LRBA: variants seen among roughly 807,000 people sequenced by gnomAD.
LRBA encodes lipopolysaccharide-responsive and beige-like anchor protein.
A neutral mutation model predicts 330.0 loss-of-function variants in LRBA; 176 were observed. That is an observed-to-expected ratio of 0.53 (90% CI 0.47 to 0.60). The LOEUF is 0.60. LRBA is among the 20% of genes least tolerant of loss of function. The pLI, the probability that LRBA is intolerant of heterozygous loss-of-function variation, is 0.00. For synonymous variants in LRBA, 1,230 were observed against 1,193.0 expected (o/e 1.03, Z -0.64); for missense variants, 3,259 against 3,444.8 (o/e 0.95, Z 1.35).
At chr4:150,962,574 T>C (rs1455264042) in intron 2 of LRBA, among the ~76,000 whole-genome samples, 1 of 148,648 alleles carries the variant, frequency 6.7e-6, no homozygotes, top group Non-Finnish European at 1.5e-5. Context: ...TTTAAGGAAG[T>C]TCTGAGTAAG....
intron 2 of LRBA, among the ~76,000 whole-genome samples, chr4:150,932,360 T>A: frequency 7.1e-6 from 1 of 141,278 alleles, no homozygotes. Flanking sequence ...GGAACTAGGG[T>A]GTTAAAAAAA....
In LRBA at chr4:150,852,340, T is replaced by C. The variant is rs149606117; in HGVS notation, c.3370A>G (p.Asn1124Asp). 4.3e-6 allele frequency: 7 copies of C among 1,613,970 alleles called. No individual in the cohort carries two copies. The highest frequency in any genetic ancestry group is 5.9e-6 in the Non-Finnish European group (7 of 1,180,018). The change falls in exon 23 of 57, where the codon AAT (asparagine) becomes GAT (aspartate). Residue 1124 changes from asparagine to aspartate, a missense_variant. Physicochemically the swap from Asn to Asp is conservative, Grantham distance 23 (BLOSUM62 1). Transcript: ENST00000651943. ...TTATCTTGGAGCTCTGTGGGTAGAT[T>C]AGCTTCCTCAGTAGGACTGCCTTCT... ...KVEGSPTEEANLPTELQDNSL... is the reference protein window; with the variant it reads ...KVEGSPTEEADLPTELQDNSL...
chr4:150,930,451 C>T (rs894568841), intron 2 of LRBA, among the ~76,000 whole-genome samples: 8 of 152,024 alleles, frequency 5.3e-5, no homozygotes, highest in African/African-American at 1.9e-4. Context: ...CAAGATCATG[C>T]CATTGAGCTC....
chr4:150,882,501 G>A (rs976286572), intron 17 of LRBA, among the ~76,000 whole-genome samples: 1 of 152,080 alleles, frequency 6.6e-6, no homozygotes, highest in Non-Finnish European at 1.5e-5. Context: ...AAGTGTAAGG[G>A]AGATAACAAA....
chr4:150,382,582 C>T (rs1742438958), intron 47 of LRBA, among the ~76,000 whole-genome samples: 1 of 150,286 alleles, frequency 6.7e-6, no homozygotes, highest in African/African-American at 2.4e-5. Flanking sequence ...GAGACTGTGC[C>T]ACTGCACTCC....
chr4:150,939,666 T>C (rs1004601475), intron 2 of LRBA, among the ~76,000 whole-genome samples: 6 of 152,184 alleles, frequency 3.9e-5, no homozygotes, highest in East Asian at 3.8e-4. Context: ...CCAGTAAGCA[T>C]TGTCAAGAAC....
intron 40 of LRBA, among the ~76,000 whole-genome samples, chr4:150,523,422 A>G (rs1763133939): frequency 6.6e-6 from 1 of 152,134 alleles, no homozygotes; most frequent in African/African-American, 2.4e-5. Flanking sequence ...CCACGATGGA[A>G]GCAGAGAGCA....
chr4:150,824,177 T>C (rs140240750), intron 30 of LRBA, among the ~76,000 whole-genome samples: 30 of 152,302 alleles, frequency 2.0e-4, no homozygotes, highest in African/African-American at 7.0e-4. Flanking sequence ...ATTTTACTTA[T>C]AGCTATTGTA....
intron 41 of LRBA, among the ~76,000 whole-genome samples, chr4:150,490,631 C>T (rs1201097233): frequency 1.3e-5 from 2 of 151,828 alleles, no homozygotes; most frequent in Non-Finnish European, 2.9e-5. Context: ...CTCAGGACAT[C>T]AAAACTCCTC....
chr4:150,474,041 C>T (rs1756439032), intron 42 of LRBA, among the ~76,000 whole-genome samples: 1 of 152,108 alleles, frequency 6.6e-6, no homozygotes, highest in Non-Finnish European at 1.5e-5. Flanking sequence ...CATCTGAGAA[C>T]TGTTTGCCTT....
At chr4:150,811,470 T>C (rs1743719885) in intron 31 of LRBA, among the ~76,000 whole-genome samples, 1 of 151,566 alleles carries the variant, frequency 6.6e-6, no homozygotes, top group Non-Finnish European at 1.5e-5. Flanking sequence ...TAGGCAAAAT[T>C]AGTCTTTACT....
At chr4:150,550,463 G>C (rs1245912884) in intron 40 of LRBA, among the ~76,000 whole-genome samples, 1 of 152,076 alleles carries the variant, frequency 6.6e-6, no homozygotes, top group Non-Finnish European at 1.5e-5. Flanking sequence ...ATACAAATGA[G>C]TATTTACTAT....
intron 55 of LRBA, among the ~76,000 whole-genome samples, chr4:150,279,212 AC>A (rs1282816314): frequency 6.6e-6 from 1 of 152,178 alleles, no homozygotes; most frequent in East Asian, 1.9e-4. Flanking sequence ...AGAATGCAGA[AC>A]CCTCAAAGCT....
intron 28 of LRBA, among the ~76,000 whole-genome samples, chr4:150,836,742 C>A (rs1319861914): frequency 6.6e-6 from 1 of 152,106 alleles, no homozygotes; most frequent in Non-Finnish European, 1.5e-5. Context: ...TTCCAAAAAA[C>A]CAGCTCCTGG....
chr4:150,981,209 C>T (rs1385546652), intron 2 of LRBA, among the ~76,000 whole-genome samples: 1 of 151,432 alleles, frequency 6.6e-6, no homozygotes, highest in Non-Finnish European at 1.5e-5. Context: ...GTCCGAAGTT[C>T]GAGACCAGCC....
At position 150,908,696 on chromosome 4, in the gene LRBA, T is replaced by C; in HGVS notation, c.1323A>G (p.Ser441=). ...GTGCATGTGGTGAATGAACAAAAAT[T>C]GAAGGGTTGTCCTTAGGAGATGATT... ...CLESSPKDNP[S]IFVHSPHALM... is the part of the protein sequence containing the mutation. Residue 441 remains serine, a synonymous_variant, in exon 10 of 57, where the codon TCA becomes TCG. Coordinates refer to ENST00000651943, the MANE Select transcript of LRBA (RefSeq NM_001364905.1). 6.2e-7 allele frequency: 1 copy of C among 1,613,946 alleles called. No individual in the cohort carries two copies. Among genetic ancestry groups the C allele is most frequent in the Non-Finnish European group, 8.5e-7 (1 of 1,179,910 alleles).
intron 40 of LRBA, among the ~76,000 whole-genome samples, chr4:150,543,912 T>A (rs1283517860): frequency 6.6e-6 from 1 of 152,140 alleles, no homozygotes; most frequent in East Asian, 1.9e-4. Context: ...CCTAAAGTTA[T>A]GAAAGCTTGT....
Position 150,848,804 on chromosome 4 carries a change from T to G in LRBA, c.4339+14A>C. Reference sequence around the variant, plus strand: ...TTTTTTTTAGTAAATTCCCAACGGTTTTTAGCAGCTCACCTAGTCGGAGAC... The same window carrying G: ...TTTTTTTTAGTAAATTCCCAACGGTGTTTAGCAGCTCACCTAGTCGGAGAC... On this transcript the variant is annotated intron_variant, in intron 26 of 56. Coordinates refer to ENST00000651943, the MANE Select transcript of LRBA (RefSeq NM_001364905.1). The G allele has an allele frequency of 6.3e-7, 1 of 1,577,278 alleles. No individual in the cohort carries two copies. The highest frequency in any genetic ancestry group is 2.0e-5 in the Admixed American group (1 of 50,178).
At chr4:150,699,990 C>A (rs1229490829) in intron 36 of LRBA, among the ~76,000 whole-genome samples, 1 of 152,048 alleles carries the variant, frequency 6.6e-6, no homozygotes, top group East Asian at 1.9e-4. Context: ...ACCAACATGA[C>A]CCTCAAAGAA....
Sources: gnomAD v4.1 joint callset for allele counts (sites outside exome capture counted in the v4.1 genomes callset) on GRCh38, gnomAD v4.1.1 for gene constraint, MANE v1.5 for transcripts, NCBI Gene and HGNC (gene_info 2026-07-23, HGNC 2026-07-21) for gene names.